DSTN: variants seen among roughly 807,000 people sequenced by gnomAD.
DSTN encodes the protein destrin, actin depolymerizing factor, also known as destrin.
In DSTN, 10 loss-of-function variants were observed where a neutral mutation model predicts 16.8. That is an observed-to-expected ratio of 0.60 (90% CI 0.37 to 1.01). The LOEUF is 1.01. DSTN is among the 50% of genes least tolerant of loss of function. The pLI, the probability that DSTN is intolerant of heterozygous loss-of-function variation, is 0.01. For synonymous variants in DSTN, 57 were observed against 58.9 expected (o/e 0.97, Z 0.14); for missense variants, 141 against 196.7 (o/e 0.72, Z 1.69).
At chr20:17,604,382 T>C (rs1448772418) in intron 2 of DSTN, among the ~76,000 whole-genome samples, 173 bp from the exon 3 acceptor site, 1 of 152,236 alleles carries the variant, frequency 6.6e-6, no homozygotes, top group African/African-American at 2.4e-5. Flanking sequence ...TGCCTATCTG[T>C]AGCATTTCCT....
chr20:17,572,404 T>TA (rs2035217257), intron 1 of DSTN, among the ~76,000 whole-genome samples: 1 of 152,200 alleles, frequency 6.6e-6, no homozygotes, highest in East Asian at 1.9e-4. Flanking sequence ...ATCATCAAGT[T>TA]ACTAAGGTTA....
intron 1 of DSTN, among the ~76,000 whole-genome samples, chr20:17,580,281 A>G (rs911592296): frequency 1.3e-5 from 2 of 152,218 alleles, no homozygotes; most frequent in Admixed American, 1.3e-4. Flanking sequence ...TAGAATAACA[A>G]TCATTTATTC....
chr20:17,583,735 C>CTTTTTTGTTTTTTTTTTTT (rs2035372846), intron 1 of DSTN, among the ~76,000 whole-genome samples: 1 of 72,484 alleles, frequency 1.4e-5, no homozygotes, highest in Non-Finnish European at 2.4e-5. Flanking sequence ...TTTGGAGTTT[C>CTTTTTTGTTTTTTTTTTTT]TTTTTTTTTT....
At chr20:17,571,409 A>G (rs1256884224) in intron 1 of DSTN, among the ~76,000 whole-genome samples, 1 of 152,242 alleles carries the variant, frequency 6.6e-6, no homozygotes, top group Non-Finnish European at 1.5e-5. Flanking sequence ...AGTGAAAGAA[A>G]AGATAAACCG....
chr20:17,585,283 A>T (rs2035393163), intron 1 of DSTN, among the ~76,000 whole-genome samples: 1 of 152,214 alleles, frequency 6.6e-6, no homozygotes, highest in Admixed American at 6.5e-5. Context: ...TTTTGAGAGT[A>T]AATGAGAGGG....
chr20:17,574,919 G>T, intron 1 of DSTN, among the ~76,000 whole-genome samples: 1 of 118,268 alleles, frequency 8.5e-6, no homozygotes, highest in Admixed American at 1.1e-4. Context: ...CAGCCACCCA[G>T]GCTGGAGCTC....
chr20:17,582,792 A>T (rs2035361099), intron 1 of DSTN, among the ~76,000 whole-genome samples: 1 of 152,204 alleles, frequency 6.6e-6, no homozygotes, highest in African/African-American at 2.4e-5. Flanking sequence ...GTGTTAGGCA[A>T]TTTTTGTTGG....
chr20:17,581,633 G>T (rs1042615954), intron 1 of DSTN, among the ~76,000 whole-genome samples: 4 of 152,208 alleles, frequency 2.6e-5, no homozygotes, highest in East Asian at 3.8e-4. Flanking sequence ...TAATTTGGAT[G>T]TGTGGCATAA....
intron 1 of DSTN, among the ~76,000 whole-genome samples, chr20:17,578,386 C>CT (rs201007695): frequency 6.6e-6 from 1 of 152,006 alleles, no homozygotes; most frequent in East Asian, 1.9e-4. Flanking sequence ...TCCCACATAC[C>CT]TTTTTTAATG....
Position 17,600,720 on chromosome 20 carries a change from T to C in DSTN, c.4-18T>C. On this transcript the variant is annotated intron_variant, in intron 1 of 3. Transcript: ENST00000246069. The stretch of plus-strand genomic sequence containing the variant: ...ATAAAAATTGTAAGTCTTTTTCTCA[T>C]GTATTTTCTCATCATAGGCCTCAGG... The C allele has an allele frequency of 6.4e-7, 1 of 1,552,714 alleles. No homozygotes were observed. The highest frequency in any genetic ancestry group is 2.3e-5 in the East Asian group (1 of 44,122).
chr20:17,596,603 TCTC>T (rs1323413044), intron 1 of DSTN: 3 of 983,782 alleles, frequency 3.0e-6, no homozygotes, highest in Non-Finnish European at 2.4e-6. Flanking sequence ...AGAGCTTTCT[TCTC>T]TGAATATTTG....
chr20:17,589,225 T>C (rs989721258), intron 1 of DSTN, among the ~76,000 whole-genome samples: 2 of 152,008 alleles, frequency 1.3e-5, no homozygotes, highest in Non-Finnish European at 2.9e-5. Context: ...CCTACTTTTT[T>C]TTTTTGAGGC....
At chr20:17,572,504 T>C (rs2035218551) in intron 1 of DSTN, among the ~76,000 whole-genome samples, 1 of 152,228 alleles carries the variant, frequency 6.6e-6, no homozygotes, top group South Asian at 2.1e-4. Flanking sequence ...TTTATGCTTC[T>C]TGGAAAGTAA....
intron 1 of DSTN, among the ~76,000 whole-genome samples, chr20:17,573,528 T>C (rs1301992642): frequency 6.6e-6 from 1 of 152,212 alleles, no homozygotes; most frequent in Middle Eastern, 3.2e-3. Context: ...TATATATTAC[T>C]TCTCTAGCCC....
At chr20:17,595,412 G>T (rs1222853220) in intron 1 of DSTN, among the ~76,000 whole-genome samples, 1 of 151,974 alleles carries the variant, frequency 6.6e-6, no homozygotes, top group Non-Finnish European at 1.5e-5. Flanking sequence ...CTGTTTCAGA[G>T]AAAAAAATGT....
rs577820444 is a variant in DSTN at position 17,583,620 on chromosome 20, T to A, written c.3+13409T>A. On this transcript the variant is annotated intron_variant, in intron 1 of 3. Transcript: ENST00000246069. ...ATGACATATTGTGTGATTCCATTTA[T>A]ACAAAATGTCCAGAATACACAGATC... Among the ~76,000 whole-genome samples the A allele has an allele frequency of 4.7e-4, 55 of 117,156 alleles. No individual in the cohort carries two copies. In the South Asian group the frequency reaches 0.015, roughly 33 times the overall value. The allele number at this position is 117,156 out of a possible 152,430, so 76.9% of individuals were successfully genotyped here.
intron 1 of DSTN, among the ~76,000 whole-genome samples, chr20:17,594,105 A>T (rs2035500135): frequency 6.6e-6 from 1 of 151,750 alleles, no homozygotes; most frequent in Non-Finnish European, 1.5e-5. Flanking sequence ...AAATAAATAA[A>T]TAAATAAATA....
intron 1 of DSTN, among the ~76,000 whole-genome samples, chr20:17,577,344 G>A (rs1180526950): frequency 6.6e-6 from 1 of 152,148 alleles, no homozygotes; most frequent in Non-Finnish European, 1.5e-5. Flanking sequence ...GAGTTTTGAG[G>A]AATTCTCAAA....
At chr20:17,570,681 C>T (rs1767335035) in intron 1 of DSTN, among the ~76,000 whole-genome samples, 1 of 152,238 alleles carries the variant, frequency 6.6e-6, no homozygotes, top group African/African-American at 2.4e-5. Context: ...CGTTCCAGCC[C>T]TTGAGGTCTG....
Sources: gnomAD v4.1 joint callset for allele counts (sites outside exome capture counted in the v4.1 genomes callset) on GRCh38, gnomAD v4.1.1 for gene constraint, MANE v1.5 for transcripts, NCBI Gene and HGNC (gene_info 2026-07-23, HGNC 2026-07-21) for gene names.